CHD8: variants seen among roughly 807,000 people sequenced by gnomAD.
The protein encoded by CHD8 is ATP-dependent chromatin remodeler CHD8.
In CHD8, 31 loss-of-function variants were observed where a neutral mutation model predicts 279.2. The observed-to-expected ratio is 0.11, with a 90% CI of 0.08 to 0.15. CHD8 has a LOEUF of 0.15. CHD8 is among the 10% of genes least tolerant of loss of function. The probability of loss-of-function intolerance (pLI) is 1.00; values close to 1 mark genes in which losing one functional copy is unlikely to be tolerated. For missense variants in CHD8, 2,146 were observed against 3,230.5 expected, an observed-to-expected ratio of 0.66 and a Z score of 8.14; for synonymous variants, 1,081 against 1,139.6, an observed-to-expected ratio of 0.95 and a Z score of 1.04.
intron 26 of CHD8, chr14:21,399,385 C>T: frequency 1.9e-6 from 1 of 524,100 alleles, no homozygotes; most frequent in Non-Finnish European, 3.5e-6. Context: ...TGGGAGGCTC[C>T]CTACCTTGAG....
In CHD8 at chr14:21,395,069, G is replaced by A; in HGVS notation, c.5233C>T (p.Leu1745=). 6.2e-7 allele frequency: 1 copy of A among 1,614,006 alleles called. No individual in the cohort carries two copies. Among genetic ancestry groups the A allele is most frequent in the Non-Finnish European group, 8.5e-7 (1 of 1,179,894 alleles). The part of the protein sequence containing the change: ...GHLFWPPGSA[L]TARLRRLVTA... ...ACTAGACGCCGAAGCCTAGCTGTTA[G>A]GGCAGAGCCCGGAGGCCAGAATAAA... The change falls in exon 30 of 38, where the codon CTA becomes TTA. Residue 1745 remains leucine, a synonymous_variant. Transcript: ENST00000646647.
At chr14:21,418,587 G>GA (rs1888855621) in intron 5 of CHD8, among the ~76,000 whole-genome samples, 2 of 152,144 alleles carry the variant, frequency 1.3e-5, no homozygotes, top group African/African-American at 2.4e-5. Context: ...AGGCCAAGGT[G>GA]GGCATATCAT....
In CHD8 at chr14:21,403,435, G is replaced by C. The variant is rs754713535; in HGVS notation, c.3518+18C>G. On this transcript the variant is annotated intron_variant, in intron 17 of 37. Coordinates refer to ENST00000646647, the MANE Select transcript of CHD8 (RefSeq NM_001170629.2). This position sits in a 1 kb window ranked among gnomAD's most constrained non-coding sequence, Gnocchi z 4.3. ...ATGAGGACAGAGTAACCACAGGCTA[G>C]GATGACTCTTTTCTTACCTCCTCTG... 6.3e-7 allele frequency: 1 copy of C among 1,583,160 alleles called. No homozygotes were observed. The highest frequency in any genetic ancestry group is 1.3e-5 in the African/African-American group (1 of 74,382).
In CHD8 at chr14:21,405,359, G is replaced by A; in HGVS notation, c.3157C>T (p.Leu1053=). Residue 1053 remains leucine, a synonymous_variant, in exon 16 of 38, where the codon CTG becomes TTG. Transcript: ENST00000646647. This position sits in a 1 kb window ranked among gnomAD's most constrained non-coding sequence, Gnocchi z 4.2. ...TAGTATTTCTTCTGGATATTAGTCA[G>A]CTCTACTTCAATAATTGTTTCCTGT... ...PKQETIIEVE[L]TNIQKKYYRA... The A allele has an allele frequency of 1.2e-6, 2 of 1,603,572 alleles. No individual in the cohort carries two copies. Among genetic ancestry groups the A allele is most frequent in the Non-Finnish European group, 1.7e-6 (2 of 1,174,184 alleles).
chr14:21,403,744 G>A lies in CHD8; in HGVS notation c.3308-81C>T. The A allele has an allele frequency of 3.3e-5, 39 of 1,174,564 alleles. No homozygotes were observed. Among genetic ancestry groups the A allele is most frequent in the Admixed American group, 2.8e-4 (12 of 43,236 alleles). The allele number at this position is 1,174,564 out of a possible 1,614,324, so 72.8% of individuals were successfully genotyped here. A position where few individuals can be genotyped will look rare whatever the true frequency, so the allele number is the denominator to read the frequency against. Reference sequence around the variant, plus strand: ...AGTCTATTTAACTAAGAAAGCAAAAGGAAAAAAATGTAATTTGACTTAAGA... The same window carrying A: ...AGTCTATTTAACTAAGAAAGCAAAAAGAAAAAAATGTAATTTGACTTAAGA... On this transcript the variant is annotated intron_variant, in intron 16 of 37. Transcript: ENST00000646647. The surrounding 1 kb of genome is among the most constrained non-coding windows in gnomAD (Gnocchi z 4.3).
At position 21,394,884 on chromosome 14, in the gene CHD8, T is replaced by G. The variant is rs755388844; in HGVS notation, c.5390+28A>C. 2.5e-6 allele frequency: 4 copies of G among 1,608,010 alleles called. No individual in the cohort carries two copies. In the African/African-American group the frequency reaches 5.4e-5, roughly 22 times the overall value. On this transcript the variant is annotated intron_variant, in intron 30 of 37. Coordinates refer to ENST00000646647, the MANE Select transcript of CHD8 (RefSeq NM_001170629.2). ...TAGGGACCATAACTGAAAACACAGA[T>G]CAGCACAAGTTCCCAGCTATATTTT... is the stretch of plus-strand genomic sequence containing the variant.
At position 21,396,055 on chromosome 14, in the gene CHD8, G is replaced by C. The variant is rs529684708; in HGVS notation, c.5052-163C>G. Among the ~76,000 whole-genome samples, 13 of 152,222 alleles carry C rather than the reference G, an allele frequency of 8.5e-5. No individual in the cohort carries two copies. In the East Asian group the frequency reaches 2.5e-3, roughly 29 times the overall value. ...TCTGTCGCCCAGGCTGGAGTGTCATGGCCCTATCACAGCTCACCGTAGCCT... is the reference window on the plus strand; with the variant it reads ...TCTGTCGCCCAGGCTGGAGTGTCATCGCCCTATCACAGCTCACCGTAGCCT... On this transcript the variant is annotated intron_variant, in intron 27 of 37. Coordinates refer to ENST00000646647, the MANE Select transcript of CHD8 (RefSeq NM_001170629.2).
At chr14:21,454,770 C>CT (rs976245847) in intron 1 of CHD8, among the ~76,000 whole-genome samples, 2 of 152,080 alleles carry the variant, frequency 1.3e-5, no homozygotes, top group Admixed American at 6.6e-5. Flanking sequence ...TATCATAACT[C>CT]TTTTTTTAAG....
At chr14:21,387,100 G>A (rs552396597) in intron 37 of CHD8, among the ~76,000 whole-genome samples, 1 of 152,280 alleles carries the variant, frequency 6.6e-6, no homozygotes, top group South Asian at 2.1e-4. Context: ...TAGATGTTCT[G>A]ACTAAAAATT....
In CHD8 at chr14:21,393,555, T is replaced by C; in HGVS notation, c.6240A>G (p.Pro2080=). The C allele has an allele frequency of 6.2e-7, 1 of 1,610,256 alleles. No individual in the cohort carries two copies. Residue 2080 remains proline (P), a synonymous_variant, in exon 32 of 38, where the codon CCA becomes CCG. Transcript: ENST00000646647. The part of the protein sequence containing the change: ...DSELDLSKLS[P]SSSSSSSSSS... Reference sequence around the variant, plus strand: ...ATGAGGATGAGGAAGAAGAAGAAGATGGTGACAGCTTGCTCAAGTCCAGCT... The same window carrying C: ...ATGAGGATGAGGAAGAAGAAGAAGACGGTGACAGCTTGCTCAAGTCCAGCT...
At chr14:21,416,959 G>C (rs973795932) in intron 5 of CHD8, among the ~76,000 whole-genome samples, 6 of 152,164 alleles carry the variant, frequency 3.9e-5, no homozygotes, top group African/African-American at 1.4e-4. Context: ...AATTAGCCGG[G>C]CCTGGTGGCG....
At chr14:21,409,537 T>A (rs1888390468) in intron 11 of CHD8, among the ~76,000 whole-genome samples, 1 of 152,208 alleles carries the variant, frequency 6.6e-6, no homozygotes, top group Non-Finnish European at 1.5e-5. Flanking sequence ...AATGATTAAA[T>A]TTTTTAGGTG....
chr14:21,447,490 G>A (rs958255658), intron 1 of CHD8, among the ~76,000 whole-genome samples: 26 of 151,336 alleles, frequency 1.7e-4, no homozygotes, highest in African/African-American at 6.1e-4. Flanking sequence ...TCCCACTTCA[G>A]CCTCCTGAGT....
At position 21,391,767 on chromosome 14, in the gene CHD8, T is replaced by A. The variant is rs542904757; in HGVS notation, c.6885+66A>T. On this transcript the variant is annotated intron_variant, in intron 35 of 37. Coordinates refer to ENST00000646647, the MANE Select transcript of CHD8 (RefSeq NM_001170629.2). Reference sequence around the variant, plus strand: ...TTTCCATTCCCCCAGTCCCACTGCCTTCATCAATTATTGGGAATAAAAAGA... The same window carrying A: ...TTTCCATTCCCCCAGTCCCACTGCCATCATCAATTATTGGGAATAAAAAGA... The A allele has an allele frequency of 7.8e-6, 12 of 1,529,324 alleles. No individual in the cohort carries two copies. The African/African-American group carries it at 1.4e-4, about 17-fold the overall frequency. The allele number at this position is 1,529,324 out of a possible 1,614,324, so 94.7% of individuals were successfully genotyped here.
chr14:21,394,884 T>A (rs755388844), intron 30 of CHD8, 28 bp downstream of exon 30: 1 of 1,608,128 alleles, frequency 6.2e-7, no homozygotes, highest in Admixed American at 1.7e-5. Context: ...AAAACACAGA[T>A]CAGCACAAGT....
Position 21,425,069 on chromosome 14 carries a change from G to A in CHD8, c.1716+1059C>T, listed in dbSNP as rs563005615. Among the ~76,000 whole-genome samples, 3 of 152,262 alleles carry A rather than the reference G, an allele frequency of 2.0e-5. No individual in the cohort carries two copies. The East Asian group carries it at 5.8e-4, about 29-fold the overall frequency. ...CAACAAATCAGAGATGGAAGCCTAC[G>A]CTTCTGGTCTGGCTTCTTTTGGTCT... On this transcript the variant is annotated intron_variant, in intron 5 of 37. Transcript: ENST00000646647.
chr14:21,423,035 A>G (rs764421566), intron 5 of CHD8, among the ~76,000 whole-genome samples: 37 of 152,274 alleles, frequency 2.4e-4, no homozygotes, highest in Admixed American at 7.2e-4. Context: ...CAGCCAGGCC[A>G]ACATGGCGAA....
rs1421099600 is a variant in CHD8, at chr14:21,405,700, C to T, written c.3051+21G>A. Reference sequence around the variant, plus strand: ...CACCTTCTTTGTCCTGAGTTAGTACCTCATCAGATAGATTTCCTACCTGTT... The same window carrying T: ...CACCTTCTTTGTCCTGAGTTAGTACTTCATCAGATAGATTTCCTACCTGTT... On this transcript the variant is annotated intron_variant, in intron 15 of 37. Transcript: ENST00000646647. This position sits in a 1 kb window ranked among gnomAD's most constrained non-coding sequence, Gnocchi z 4.2. 2 of 1,612,542 alleles carry T rather than the reference C, an allele frequency of 1.2e-6. No individual in the cohort carries two copies. The highest frequency in any genetic ancestry group is 2.2e-5 in the East Asian group (1 of 44,854).
intron 21 of CHD8, 103 bp from the exon 22 acceptor site, chr14:21,401,174 T>C: frequency 1.0e-6 from 1 of 956,638 alleles, no homozygotes; most frequent in Non-Finnish European, 1.5e-6. Flanking sequence ...AACGTGTAGA[T>C]ACTCAGAGAT....
Sources: gnomAD v4.1 joint callset for allele counts (sites outside exome capture counted in the v4.1 genomes callset) on GRCh38, gnomAD v4.1.1 for gene constraint, Gnocchi (gnomAD v3.1) non-coding constraint, MANE v1.5 for transcripts, NCBI Gene and HGNC (gene_info 2026-07-23, HGNC 2026-07-21) for gene names.